Variants in GALNT7 observed in about 807,000 individuals in gnomAD.
GALNT7 encodes the protein N-acetylgalactosaminyltransferase 7.
Under a neutral mutation model 82.1 loss-of-function variants are expected in GALNT7, and 60 were observed. The observed-to-expected ratio is 0.73, with a 90% CI of 0.59 to 0.91. The LOEUF (loss-of-function observed/expected upper bound fraction) is 0.91, where lower values mean the gene tolerates loss of function less well. GALNT7 is among the 40% of genes least tolerant of loss of function. GALNT7 has a pLI of 0.00. For missense variants in GALNT7, 660 were observed against 804.2 expected (o/e 0.82, Z 2.17); for synonymous variants, 243 against 275.1 (o/e 0.88, Z 1.15).
intron 1 of GALNT7, among the ~76,000 whole-genome samples, chr4:173,245,012 C>A (rs1734572195): frequency 6.6e-6 from 1 of 151,880 alleles, no homozygotes; most frequent in African/African-American, 2.4e-5. Flanking sequence ...TAGAAATGTT[C>A]AGGAAGAAGT....
At chr4:173,243,996 CA>C in intron 1 of GALNT7, among the ~76,000 whole-genome samples, 1 of 152,296 alleles carries the variant, frequency 6.6e-6, no homozygotes, top group South Asian at 2.1e-4. Context: ...ACTGGGCATG[CA>C]GTGGTGCGTA....
At chr4:173,304,190 A>G (rs1050920060) in intron 8 of GALNT7, 72 bp downstream of exon 8, 32 of 1,337,466 alleles carry the variant, frequency 2.4e-5, no homozygotes, top group African/African-American at 5.9e-5. Context: ...TAGTTACTTA[A>G]CAATTGTCAG....
At chr4:173,237,997 C>T (rs1025515753) in intron 1 of GALNT7, among the ~76,000 whole-genome samples, 2 of 152,112 alleles carry the variant, frequency 1.3e-5, no homozygotes, top group Admixed American at 6.5e-5. Context: ...CCCCTTTCTC[C>T]ACCTGATGAA....
rs373384170 is a variant in GALNT7 at position 173,184,062 on chromosome 4, C to G, written c.126+15101C>G. ...GATGGGCGGCCGGGCAGAGACGCTC[C>G]TCACTTCCTAGACAGGATGAGGGTC... On this transcript the variant is annotated intron_variant, in intron 1 of 11. Coordinates refer to ENST00000265000, the MANE Select transcript of GALNT7 (RefSeq NM_017423.3). Among the ~76,000 whole-genome samples the G allele has an allele frequency of 2.7e-4, 41 of 151,638 alleles. 1 individual carries two copies. In the East Asian group the frequency reaches 5.1e-3, roughly 19 times the overall value.
At chr4:173,301,185 G>A (rs1473766520) in intron 6 of GALNT7, among the ~76,000 whole-genome samples, 1 of 151,500 alleles carries the variant, frequency 6.6e-6, no homozygotes, top group African/African-American at 2.4e-5. Context: ...CCTTGAAATA[G>A]GTTCCATTGA....
intron 1 of GALNT7, among the ~76,000 whole-genome samples, chr4:173,182,661 TACAC>T (rs60501649): frequency 0.023 from 3,119 of 133,422 alleles, 68 homozygotes; most frequent in African/African-American, 0.075. Flanking sequence ...TTACTCATAA[TACAC>T]ACACACACAC....
intron 1 of GALNT7, among the ~76,000 whole-genome samples, chr4:173,216,706 C>CATATATATATATATATATAT (rs202210734): frequency 1.1e-4 from 6 of 56,968 alleles, no homozygotes; most frequent in African/African-American, 5.8e-4. Context: ...GTGTACTATT[C>CATATATATATATATATATAT]ATATATATAT....
chr4:173,308,320 T>C (rs1333638690), intron 8 of GALNT7, among the ~76,000 whole-genome samples: 1 of 152,222 alleles, frequency 6.6e-6, no homozygotes, highest in Non-Finnish European at 1.5e-5. Flanking sequence ...ATATTGAATG[T>C]TCTCCATGAA....
chr4:173,211,823 A>G (rs555269177), intron 1 of GALNT7, among the ~76,000 whole-genome samples: 183 of 152,352 alleles, frequency 1.2e-3, no homozygotes, highest in Non-Finnish European at 2.2e-3. Flanking sequence ...AAAAATCTAT[A>G]TCAAAATAGA....
At chr4:173,274,240 A>G (rs996659481) in intron 2 of GALNT7, among the ~76,000 whole-genome samples, 49 of 152,292 alleles carry the variant, frequency 3.2e-4, no homozygotes, top group African/African-American at 1.2e-3. Flanking sequence ...TTCCTTTTCA[A>G]AAAAAGAAAA....
chr4:173,297,864 T>C, intron 5 of GALNT7: 1 of 1,504,762 alleles, frequency 6.6e-7, no homozygotes. Flanking sequence ...CACAGCAAGG[T>C]GGGGATGAAG....
At chr4:173,290,360 T>A (rs907039825) in intron 2 of GALNT7, among the ~76,000 whole-genome samples, 1 of 152,228 alleles carries the variant, frequency 6.6e-6, no homozygotes, top group African/African-American at 2.4e-5. Context: ...CATGCTCACA[T>A]GGGAGAAAAG....
intron 1 of GALNT7, among the ~76,000 whole-genome samples, chr4:173,171,054 TTAACA>T (rs1731849596): frequency 6.6e-6 from 1 of 152,128 alleles, no homozygotes; most frequent in Non-Finnish European, 1.5e-5. Context: ...TTTTAAAGAC[TTAACA>T]TAATTAACAT....
intron 1 of GALNT7, among the ~76,000 whole-genome samples, chr4:173,216,193 A>G (rs1212479973): frequency 6.6e-6 from 1 of 152,218 alleles, no homozygotes; most frequent in African/African-American, 2.4e-5. Context: ...ATATTTGAAT[A>G]TGTTCACCCT....
At chr4:173,303,230 A>G (rs969527822) in intron 7 of GALNT7, among the ~76,000 whole-genome samples, 3 of 151,958 alleles carry the variant, frequency 2.0e-5, no homozygotes, top group African/African-American at 7.3e-5. Flanking sequence ...GTTATGCTAG[A>G]TGCAGAATTT....
At chr4:173,306,154 ATTG>A (rs775320706) in intron 8 of GALNT7, among the ~76,000 whole-genome samples, 8 of 151,592 alleles carry the variant, frequency 5.3e-5, no homozygotes, top group Non-Finnish European at 8.8e-5. Flanking sequence ...TGTAAATCGG[ATTG>A]TTTTCTTAGT....
At chr4:173,290,264 C>T (rs1357443216) in intron 2 of GALNT7, among the ~76,000 whole-genome samples, 2 of 151,978 alleles carry the variant, frequency 1.3e-5, no homozygotes. Context: ...TACTATGGAA[C>T]AGCCATACTA....
At chr4:173,313,905 T>TA in intron 8 of GALNT7, 53 bp from the exon 9 acceptor site, 1 of 834,662 alleles carries the variant, frequency 1.2e-6, no homozygotes, top group Non-Finnish European at 1.8e-6. Context: ...CTGTTTATGA[T>TA]ATGACATTTG....
chr4:173,266,163 G>A (rs1423432891), intron 2 of GALNT7, among the ~76,000 whole-genome samples: 1 of 152,194 alleles, frequency 6.6e-6, no homozygotes, highest in Non-Finnish European at 1.5e-5. Context: ...AGGAGGCTGA[G>A]GCACAAGAAT....
Sources: gnomAD v4.1 joint callset for allele counts (sites outside exome capture counted in the v4.1 genomes callset) on GRCh38, gnomAD v4.1.1 for gene constraint, MANE v1.5 for transcripts, NCBI Gene and HGNC (gene_info 2026-07-23, HGNC 2026-07-21) for gene names.